The following POM121 variants were observed in gnomAD, a reference collection of about 807,000 sequenced individuals.
POM121 encodes the protein POM121 transmembrane nucleoporin, also known as nuclear envelope pore membrane protein POM 121.
A neutral mutation model predicts 81.3 loss-of-function variants in POM121; 32 were observed. The observed-to-expected ratio is 0.39, with a 90% CI of 0.30 to 0.53. POM121 has a LOEUF of 0.53. Among genes scored for constraint, POM121 ranks in the 20% least tolerant of loss-of-function variants. The pLI is 0.66. For missense variants in POM121, 1,138 were observed against 1,614.6 expected, an observed-to-expected ratio of 0.70 and a Z score of 5.06; for synonymous variants, 514 against 694.2, an observed-to-expected ratio of 0.74 and a Z score of 4.08.
At chr7:72,921,653 A>G (rs1442772186), upstream of POM121, among the ~76,000 whole-genome samples, 1 of 152,154 alleles carries the variant, frequency 6.6e-6, no homozygotes, top group Admixed American at 6.6e-5. Context: ...TATATCCACA[A>G]CAGCATGCGT....
At chr7:72,931,957 A>G (rs1796070286) in intron 5 of POM121, among the ~76,000 whole-genome samples, 1 of 151,406 alleles carries the variant, frequency 6.6e-6, no homozygotes, top group African/African-American at 2.4e-5. Flanking sequence ...ATTGTGATTC[A>G]TTTGTCTTTA....
chr7:72,904,086 G>C (rs1554493084), intron 3 of POM121, among the ~76,000 whole-genome samples: 1 of 152,186 alleles, frequency 6.6e-6, no homozygotes, highest in African/African-American at 2.4e-5. Flanking sequence ...TTACAGGCAT[G>C]AGCCACTGCA....
upstream of POM121, among the ~76,000 whole-genome samples, chr7:72,923,967 A>G (rs1795095802): frequency 7.1e-6 from 1 of 141,812 alleles, no homozygotes; most frequent in South Asian, 2.2e-4. Flanking sequence ...TTTTTTTGAG[A>G]CGGAGTCTCG....
rs446631 is a variant in POM121, at chr7:72,946,291, C to G, written c.*57C>G. ...CTTCCCTAAATCTGGACCTTGGCAC[C>G]TGCTAGGAAGAGCCTTGGACCCTTC... On this transcript the variant is annotated 3_prime_UTR_variant, in exon 13 of 13. Coordinates refer to ENST00000434423, the MANE Select transcript of POM121 (RefSeq NM_001387691.1). 1.0e-3 allele frequency: 1,666 copies of G among 1,598,576 alleles called. 7 individuals are homozygous for G. The highest frequency in any genetic ancestry group is 2.2e-3 in the East Asian group (96 of 44,186).
rs1791716044 is a variant in POM121, at chr7:72,894,644, AGAGAGAGAGAG to A, written c.-216+3535_-216+3545del. Among the ~76,000 whole-genome samples the A allele has an allele frequency of 3.2e-3, 436 of 135,322 alleles. 5 individuals are homozygous for A. The highest frequency in any genetic ancestry group is 5.3e-3 in the Non-Finnish European group (334 of 63,322). 88.8% of individuals were successfully genotyped at this position (135,322 alleles called of 152,430 possible). On this transcript the variant is annotated intron_variant, in intron 3 of 15. Transcript: ENST00000395270. ...AGAGAGAGGAGAGAGAGAGAGAGAGAGAGAGAGAGAGAGAGAGAGAGAGAGAGAGAGAGAGA... is the reference window on the plus strand; with the variant it reads ...AGAGAGAGGAGAGAGAGAGAGAGAGAAGAGAGAGAGAGAGAGAGAGAGAGA...
chr7:72,921,106 C>T (rs578179395), upstream of POM121, among the ~76,000 whole-genome samples: 6 of 152,260 alleles, frequency 3.9e-5, no homozygotes, highest in African/African-American at 1.2e-4. Flanking sequence ...ATCGCTTGAA[C>T]CTGGGAGGCG....
At chr7:72,883,440 C>T (rs1790365264) in intron 1 of POM121, among the ~76,000 whole-genome samples, 1 of 152,128 alleles carries the variant, frequency 6.6e-6, no homozygotes, top group Non-Finnish European at 1.5e-5. Flanking sequence ...AGGTGTAAGC[C>T]ACCACACCTG....
At chr7:72,886,371 G>A (rs1455023578) in intron 1 of POM121, among the ~76,000 whole-genome samples, 1 of 151,782 alleles carries the variant, frequency 6.6e-6, no homozygotes, top group African/African-American at 2.4e-5. Flanking sequence ...ACGAGGTTTC[G>A]CCATGTTGGC....
upstream of POM121, among the ~76,000 whole-genome samples, chr7:72,923,805 T>C (rs1554496476): frequency 1.3e-5 from 2 of 151,518 alleles, no homozygotes; most frequent in Non-Finnish European, 1.5e-5. Context: ...TTCACCATAT[T>C]GGTCAGGCTG....
chr7:72,943,969 G>A (rs1554502619), intron 11 of POM121, among the ~76,000 whole-genome samples: 1 of 151,976 alleles, frequency 6.6e-6, no homozygotes, highest in African/African-American at 2.4e-5. Context: ...GAACCCAGGA[G>A]TTGGAGGTTG....
intron 4 of POM121, among the ~76,000 whole-genome samples, chr7:72,916,141 G>A (rs1218356161): frequency 6.6e-6 from 1 of 152,210 alleles, no homozygotes. Flanking sequence ...TCTGATGCTA[G>A]TTTCTTTTGC....
intron 3 of POM121, among the ~76,000 whole-genome samples, chr7:72,892,044 A>G (rs1441010440): frequency 6.6e-6 from 1 of 152,086 alleles, no homozygotes; most frequent in Non-Finnish European, 1.5e-5. Context: ...CCCCTTCCCC[A>G]TAACTGGAAT....
chr7:72,949,184 C>T (rs183944492), downstream of POM121: 5 of 1,221,644 alleles, frequency 4.1e-6, no homozygotes, highest in Non-Finnish European at 6.0e-6. Context: ...CCTCGCTTCA[C>T]AGAGGAGAAC....
intron 4 of POM121, among the ~76,000 whole-genome samples, chr7:72,929,524 CATAAA>C (rs2129578176): frequency 1.3e-5 from 2 of 152,134 alleles, no homozygotes; most frequent in East Asian, 3.9e-4. Context: ...ATATAATTGA[CATAAA>C]ATAGACCGTA....
exon 1 of POM121, chr7:72,879,516 G>T: frequency 3.9e-6 from 1 of 253,258 alleles, no homozygotes; most frequent in Non-Finnish European, 7.8e-6. Context: ...GTTCGCGCGG[G>T]CCGGGTAGAG....
chr7:72,907,817 G>T (rs1793412829), intron 3 of POM121, among the ~76,000 whole-genome samples: 1 of 152,148 alleles, frequency 6.6e-6, no homozygotes, highest in Non-Finnish European at 1.5e-5. Context: ...AGCCTCTTCA[G>T]ATGTTTTTTG....
rs2129578091 is a variant in POM121 at position 72,928,445 on chromosome 7, C to T, written c.1083C>T (p.Val361=). ...TTGAGCCCCTGGTGGCCAATGGAGT[C>T]CCCGCTTCTTTTGTGCCTAAGTAAG... ...SAFEPLVANG[V]PASFVPKPGS... The change falls in exon 4 of 13, where the codon GTC becomes GTT. Residue 361 remains valine (V), a synonymous_variant. Coordinates refer to ENST00000434423, the MANE Select transcript of POM121 (RefSeq NM_001387691.1). The T allele has an allele frequency of 1.9e-6, 3 of 1,614,220 alleles. No homozygotes were observed. The highest frequency in any genetic ancestry group is 2.5e-6 in the Non-Finnish European group (3 of 1,180,020).
At chr7:72,892,241 C>T (rs369201777) in intron 3 of POM121, among the ~76,000 whole-genome samples, 2 of 152,266 alleles carry the variant, frequency 1.3e-5, no homozygotes, top group East Asian at 3.9e-4. Flanking sequence ...ATTTTTGCAG[C>T]TTGCCTCCAA....
At chr7:72,894,974 G>T (rs1233930167) in intron 3 of POM121, among the ~76,000 whole-genome samples, 3 of 152,108 alleles carry the variant, frequency 2.0e-5, no homozygotes, top group Non-Finnish European at 4.4e-5. Context: ...CTACAGGCCT[G>T]CCCACCACGC....
Sources: gnomAD v4.1 joint callset for allele counts (sites outside exome capture counted in the v4.1 genomes callset) on GRCh38, gnomAD v4.1.1 for gene constraint, MANE v1.5 for transcripts, NCBI Gene and HGNC (gene_info 2026-07-23, HGNC 2026-07-21) for gene names.